IMMP2L: variants seen among roughly 807,000 people sequenced by gnomAD.
The protein encoded by IMMP2L is inner mitochondrial membrane peptidase subunit 2.
Under a neutral mutation model 19.3 loss-of-function variants are expected in IMMP2L, and 18 were observed. That is an observed-to-expected ratio of 0.93 (90% CI 0.64 to 1.38). The LOEUF (loss-of-function observed/expected upper bound fraction) is 1.38. Among genes scored for constraint, IMMP2L ranks in the 40% most tolerant of loss-of-function variants. IMMP2L has a pLI of 0.00. For synonymous variants in IMMP2L, 76 were observed against 73.0 expected (o/e 1.04, Z -0.21); for missense variants, 233 against 218.2 (o/e 1.07, Z -0.43).
chr7:110,670,442 C>T (rs1791815589), intron 5 of IMMP2L, among the ~76,000 whole-genome samples: 1 of 152,158 alleles, frequency 6.6e-6, no homozygotes, highest in Non-Finnish European at 1.5e-5. Flanking sequence ...GTAATCCCAG[C>T]ACTTTGGGAG....
At chr7:111,397,434 G>C (rs1832989643) in intron 3 of IMMP2L, among the ~76,000 whole-genome samples, 1 of 151,910 alleles carries the variant, frequency 6.6e-6, no homozygotes, top group African/African-American at 2.4e-5. Flanking sequence ...TCTTTGCTCT[G>C]GTCTCTGATT....
At chr7:110,718,150 C>A (rs779429018) in intron 5 of IMMP2L, among the ~76,000 whole-genome samples, 1 of 152,048 alleles carries the variant, frequency 6.6e-6, no homozygotes, top group African/African-American at 2.4e-5. Context: ...GATGATAACC[C>A]CCAGATTTAT....
At chr7:111,291,133 T>C (rs1315337736) in intron 3 of IMMP2L, among the ~76,000 whole-genome samples, 1 of 152,084 alleles carries the variant, frequency 6.6e-6, no homozygotes, top group Admixed American at 6.6e-5. Flanking sequence ...AAGAAATGGA[T>C]ATCATTTCTA....
At chr7:111,292,459 A>G (rs1821215140) in intron 3 of IMMP2L, among the ~76,000 whole-genome samples, 1 of 152,062 alleles carries the variant, frequency 6.6e-6, no homozygotes, top group African/African-American at 2.4e-5. Context: ...CAGTAGATGT[A>G]AATGTACTCA....
At chr7:110,842,741 T>C (rs1280091255) in intron 5 of IMMP2L, among the ~76,000 whole-genome samples, 1 of 152,186 alleles carries the variant, frequency 6.6e-6, no homozygotes, top group Non-Finnish European at 1.5e-5. Context: ...TTACCTTGTA[T>C]ACAAAGGAAT....
chr7:111,466,739 C>A (rs1203313469), intron 3 of IMMP2L, among the ~76,000 whole-genome samples: 2 of 152,084 alleles, frequency 1.3e-5, no homozygotes, highest in Non-Finnish European at 2.9e-5. Flanking sequence ...AAAAGCAGAT[C>A]AAACATATTT....
chr7:111,528,599 C>T (rs1387006728), intron 1 of IMMP2L, among the ~76,000 whole-genome samples: 3 of 152,144 alleles, frequency 2.0e-5, no homozygotes, highest in South Asian at 4.1e-4. Context: ...CTCTCCTTCC[C>T]GTAACAACTT....
intron 3 of IMMP2L, among the ~76,000 whole-genome samples, chr7:111,189,310 C>T (rs1007739582): frequency 1.3e-5 from 2 of 151,236 alleles, no homozygotes; most frequent in African/African-American, 4.9e-5. Flanking sequence ...GCCTGAGAGG[C>T]CTGTGTATCA....
chr7:111,141,744 T>G (rs1802918864), intron 3 of IMMP2L, among the ~76,000 whole-genome samples: 1 of 152,158 alleles, frequency 6.6e-6, no homozygotes, highest in Admixed American at 6.5e-5. Context: ...GTTTGTTTGT[T>G]TGTTTAAGAA....
At chr7:111,499,448 CGTTA>C (rs1843931777) in intron 2 of IMMP2L, among the ~76,000 whole-genome samples, 2 of 152,084 alleles carry the variant, frequency 1.3e-5, no homozygotes, top group African/African-American at 4.8e-5. Flanking sequence ...GATTCATATC[CGTTA>C]ATTCATGATA....
intron 3 of IMMP2L, among the ~76,000 whole-genome samples, chr7:111,281,216 A>AAAG (rs1819809403): frequency 7.7e-5 from 3 of 38,798 alleles, no homozygotes; most frequent in African/African-American, 1.9e-4. Context: ...GAAAGAAAGA[A>AAAG]AAAGAAAGAA....
At chr7:111,229,468 C>G (rs1813486895) in intron 3 of IMMP2L, among the ~76,000 whole-genome samples, 2 of 151,918 alleles carry the variant, frequency 1.3e-5, no homozygotes, top group South Asian at 4.1e-4. Context: ...GAAATTATCC[C>G]TGGTTTCTGA....
chr7:111,277,294 A>G (rs369430648), intron 3 of IMMP2L, among the ~76,000 whole-genome samples: 4 of 152,246 alleles, frequency 2.6e-5, no homozygotes, highest in African/African-American at 7.2e-5. Context: ...CAAAGGAATG[A>G]ACATTTTCCA....
intron 3 of IMMP2L, among the ~76,000 whole-genome samples, chr7:111,328,035 A>T (rs887246142): frequency 6.6e-6 from 1 of 151,748 alleles, no homozygotes; most frequent in Admixed American, 6.6e-5. Flanking sequence ...TTTCATCATT[A>T]AACTAAAAAA....
At chr7:111,012,574 T>C (rs1193234943) in intron 3 of IMMP2L, among the ~76,000 whole-genome samples, 1 of 152,250 alleles carries the variant, frequency 6.6e-6, no homozygotes, top group South Asian at 2.1e-4. Context: ...TTTAAAAAAA[T>C]TTAAACCAAC....
intron 5 of IMMP2L, among the ~76,000 whole-genome samples, chr7:110,815,547 G>A (rs1179049748): frequency 2.0e-5 from 3 of 151,746 alleles, no homozygotes; most frequent in African/African-American, 7.3e-5. Context: ...AATGGTACCA[G>A]CTCCTCCTTG....
intron 3 of IMMP2L, among the ~76,000 whole-genome samples, chr7:111,117,615 C>A (rs879882087): frequency 6.6e-6 from 1 of 152,016 alleles, no homozygotes; most frequent in South Asian, 2.1e-4. Context: ...CAGTCTTTTA[C>A]AAGGATGCAT....
intron 5 of IMMP2L, among the ~76,000 whole-genome samples, chr7:110,844,582 G>T (rs960055625): frequency 6.6e-6 from 1 of 151,696 alleles, no homozygotes; most frequent in African/African-American, 2.4e-5. Context: ...TAATCAATAG[G>T]GGAGCTTTCA....
intron 5 of IMMP2L, among the ~76,000 whole-genome samples, chr7:110,816,041 C>A (rs574648121): frequency 6.6e-6 from 1 of 152,130 alleles, no homozygotes; most frequent in East Asian, 1.9e-4. Context: ...TTTTCCAGTT[C>A]TTTTAACTGT....
Sources: gnomAD v4.1 joint callset for allele counts (sites outside exome capture counted in the v4.1 genomes callset) on GRCh38, gnomAD v4.1.1 for gene constraint, MANE v1.5 for transcripts, NCBI Gene and HGNC (gene_info 2026-07-23, HGNC 2026-07-21) for gene names.